Variants in HS3ST4 observed in about 807,000 individuals in gnomAD.
HS3ST4 encodes heparan sulfate glucosamine 3-O-sulfotransferase 4.
In HS3ST4, 17 loss-of-function variants were observed where a neutral mutation model predicts 29.2. The ratio of observed to expected loss-of-function variants is 0.58; its 90% CI spans 0.40 to 0.87. HS3ST4 has a LOEUF of 0.87. HS3ST4 is among the 40% of genes least tolerant of loss of function. HS3ST4 has a pLI of 0.00. For missense variants in HS3ST4, 627 were observed against 634.5 expected, an observed-to-expected ratio of 0.99 and a Z score of 0.13; for synonymous variants, 314 against 285.7, an observed-to-expected ratio of 1.10 and a Z score of -1.00.
intron 1 of HS3ST4, among the ~76,000 whole-genome samples, chr16:26,024,599 G>A (rs999996802): frequency 1.3e-5 from 2 of 152,080 alleles, no homozygotes; most frequent in Non-Finnish European, 2.9e-5. Flanking sequence ...GGGCATGGTG[G>A]TAGGTGCCTG....
chr16:25,741,568 G>A (rs913558381), intron 1 of HS3ST4, among the ~76,000 whole-genome samples: 2 of 152,024 alleles, frequency 1.3e-5, no homozygotes, highest in Non-Finnish European at 2.9e-5. Context: ...ATACTTTGGA[G>A]CTTATAAAAC....
Position 26,044,438 on chromosome 16 carries a change from A to G in HS3ST4, c.735-91174A>G, listed in dbSNP as rs745578233. On this transcript the variant is annotated intron_variant, in intron 1 of 1. Transcript: ENST00000331351. Reference sequence around the variant, plus strand: ...GAGCCTTTACAAAAATCCCTGAACTATGAAGGTTGGCGGAGCTTCTGGGTT... The same window carrying G: ...GAGCCTTTACAAAAATCCCTGAACTGTGAAGGTTGGCGGAGCTTCTGGGTT... Among the ~76,000 whole-genome samples the G allele has an allele frequency of 6.2e-4, 95 of 152,284 alleles. No individual in the cohort carries two copies. The Middle Eastern group carries it at 0.01, about 16-fold the overall frequency.
At chr16:25,933,449 T>C in intron 1 of HS3ST4, 1 of 500,788 alleles carries the variant, frequency 2.0e-6, no homozygotes, top group Non-Finnish European at 4.0e-6. Context: ...TGCTGAAAAA[T>C]CTAGATTTCC....
intron 1 of HS3ST4, among the ~76,000 whole-genome samples, chr16:26,135,321 G>T (rs1898266610): frequency 6.6e-6 from 1 of 152,132 alleles, no homozygotes; most frequent in Non-Finnish European, 1.5e-5. Context: ...AATACGTAGA[G>T]AAATCAAGGG....
chr16:25,701,239 A>G (rs906343803), intron 1 of HS3ST4, among the ~76,000 whole-genome samples: 22 of 152,322 alleles, frequency 1.4e-4, no homozygotes, highest in African/African-American at 4.8e-4. Context: ...AGTTTTTCTT[A>G]AGAACTTCTG....
chr16:25,847,264 A>G (rs1017333810), intron 1 of HS3ST4, among the ~76,000 whole-genome samples: 1 of 152,090 alleles, frequency 6.6e-6, no homozygotes, highest in Non-Finnish European at 1.5e-5. Context: ...TAGATATTTT[A>G]TATTGTACCT....
At chr16:26,078,350 A>G (rs3924881) in intron 1 of HS3ST4, among the ~76,000 whole-genome samples, 89,751 of 151,922 alleles carry the variant, frequency 0.59, 27,186 homozygotes, top group Middle Eastern at 0.69. Context: ...GGGTTTTACC[A>G]TGTTAGCCAG....
intron 1 of HS3ST4, among the ~76,000 whole-genome samples, chr16:25,948,286 T>C (rs895176191): frequency 6.6e-6 from 1 of 152,150 alleles, no homozygotes; most frequent in African/African-American, 2.4e-5. Flanking sequence ...AAATAGAATT[T>C]GTAGACATGT....
chr16:26,123,179 G>A (rs1899299632), intron 1 of HS3ST4, among the ~76,000 whole-genome samples: 1 of 152,114 alleles, frequency 6.6e-6, no homozygotes, highest in Non-Finnish European at 1.5e-5. Flanking sequence ...GCATTACCAA[G>A]ATTTTCTCCG....
chr16:26,040,575 G>A (rs1969628894), intron 1 of HS3ST4, among the ~76,000 whole-genome samples: 1 of 152,034 alleles, frequency 6.6e-6, no homozygotes, highest in Middle Eastern at 3.4e-3. Flanking sequence ...AAAGTGCAGG[G>A]ATTACAGGGG....
intron 1 of HS3ST4, among the ~76,000 whole-genome samples, chr16:25,755,098 GTCCA>G (rs1037020215): frequency 6.6e-5 from 10 of 151,456 alleles, no homozygotes; most frequent in African/African-American, 2.4e-4. Flanking sequence ...TCATTAATCT[GTCCA>G]TCCATTCATC....
intron 1 of HS3ST4, among the ~76,000 whole-genome samples, chr16:25,735,040 T>C (rs1567229583): frequency 6.6e-6 from 1 of 152,222 alleles, no homozygotes; most frequent in Non-Finnish European, 1.5e-5. Flanking sequence ...ACTGACTCCT[T>C]GGGAGCACAC....
At chr16:25,855,238 G>A (rs774593696) in intron 1 of HS3ST4, among the ~76,000 whole-genome samples, 1 of 152,074 alleles carries the variant, frequency 6.6e-6, no homozygotes, top group Non-Finnish European at 1.5e-5. Flanking sequence ...AAGGGGGATG[G>A]GTGTGGAAGT....
chr16:26,063,411 G>C (rs1029125722), intron 1 of HS3ST4, among the ~76,000 whole-genome samples: 1 of 151,982 alleles, frequency 6.6e-6, no homozygotes, highest in East Asian at 1.9e-4. Context: ...ATGAGTCTGG[G>C]CATGGTAGTT....
intron 1 of HS3ST4, among the ~76,000 whole-genome samples, chr16:25,778,407 G>C (rs1395821261): frequency 6.6e-6 from 1 of 152,160 alleles, no homozygotes; most frequent in Non-Finnish European, 1.5e-5. Flanking sequence ...TTCAGGCTTA[G>C]GTACAGCAGG....
intron 1 of HS3ST4, among the ~76,000 whole-genome samples, chr16:25,726,910 G>C (rs1378568368): frequency 6.6e-6 from 1 of 152,050 alleles, no homozygotes; most frequent in Non-Finnish European, 1.5e-5. Flanking sequence ...ATGATGCTTT[G>C]TAGATCCTTT....
At chr16:25,837,685 A>T (rs62036288) in intron 1 of HS3ST4, among the ~76,000 whole-genome samples, 18,426 of 152,116 alleles carry the variant, frequency 0.12, 1,268 homozygotes, top group East Asian at 0.21. Context: ...TGTAAATCAT[A>T]TTTTAAATGC....
intron 1 of HS3ST4, among the ~76,000 whole-genome samples, chr16:26,071,577 T>C (rs1898604028): frequency 1.3e-5 from 2 of 152,164 alleles, no homozygotes; most frequent in South Asian, 4.1e-4. Context: ...TTTAGTGCTT[T>C]TACTAATAAA....
intron 1 of HS3ST4, among the ~76,000 whole-genome samples, chr16:26,117,546 C>T (rs1899216551): frequency 6.6e-6 from 1 of 152,194 alleles, no homozygotes; most frequent in African/African-American, 2.4e-5. Context: ...TGGCTGAGGT[C>T]GCTCCATATC....
Sources: allele counts gnomAD v4.1 joint callset (sites outside exome capture counted in the v4.1 genomes callset), GRCh38; gene constraint gnomAD v4.1.1; transcripts MANE v1.5; gene names NCBI Gene and HGNC (gene_info 2026-07-23, HGNC 2026-07-21).